Variants in INSL6 observed in about 807,000 individuals in gnomAD.
The protein encoded by INSL6 is insulin like 6.
In INSL6, 16 loss-of-function variants were observed where a neutral mutation model predicts 9.4. The observed-to-expected ratio is 1.70, with a 90% CI of 1.15 to 2.59. The LOEUF is 2.59. INSL6 is among the 30% of genes most tolerant of loss of function. The probability of loss-of-function intolerance (pLI) is 0.00; values close to 1 mark genes in which losing one functional copy is unlikely to be tolerated. For missense variants in INSL6, 391 were observed against 257.3 expected (o/e 1.52, Z -3.56); for synonymous variants, 154 against 96.9 (o/e 1.59, Z -3.46).
the INSL6 span, among the ~76,000 whole-genome samples, chr9:4,999,952 T>C: frequency 6.6e-6 from 1 of 152,190 alleles, no homozygotes; most frequent in Non-Finnish European, 1.5e-5. Context: ...CACTGGGTAT[T>C]GGCATTCTTC....
chr9:5,070,068 C>A, the INSL6 span: 1 of 1,573,238 alleles, frequency 6.4e-7, no homozygotes, highest in Non-Finnish European at 8.7e-7. Flanking sequence ...TCATTAGATA[C>A]TCATTACTGT....
At chr9:5,074,596 C>T in the INSL6 span, among the ~76,000 whole-genome samples, 1 of 152,206 alleles carries the variant, frequency 6.6e-6, no homozygotes, top group Non-Finnish European at 1.5e-5. Flanking sequence ...GCTCTGACTG[C>T]TCCATCAATG....
the INSL6 span, among the ~76,000 whole-genome samples, chr9:5,069,466 G>A: frequency 6.6e-6 from 1 of 152,002 alleles, no homozygotes; most frequent in Non-Finnish European, 1.5e-5. Context: ...TTATTGAACT[G>A]GAAGATCTCA....
At chr9:5,089,195 TG>T in the INSL6 span, among the ~76,000 whole-genome samples, 2 of 152,158 alleles carry the variant, frequency 1.3e-5, no homozygotes, top group South Asian at 4.1e-4. Flanking sequence ...ACCCACCTGT[TG>T]AGATAGTATT....
At chr9:5,072,423 T>C in the INSL6 span, 22 of 1,158,674 alleles carry the variant, frequency 1.9e-5, no homozygotes, top group East Asian at 5.1e-5. Flanking sequence ...CCTCATTGAA[T>C]GTATTTTCTT....
chr9:5,164,204 C>A lies in INSL6; in HGVS notation c.351G>T (p.Lys117Asn). The change falls in exon 2 of 2, where the codon AAG becomes AAT. Residue 117 changes from lysine (K) to asparagine (N), a missense_variant. Lys to Asn is a moderately conservative substitution (Grantham distance 94). Coordinates refer to ENST00000381641, the MANE Select transcript of INSL6 (RefSeq NM_007179.3). ...SWEMQSLPEY[K>N]DKKGYSPLGK... is the part of the protein sequence containing the mutation. Reference sequence around the variant, plus strand: ...CAAGGGGTGAATATCCCTTTTTATCCTTATACTCAGGTAGTGACTGCATTT... The same window carrying A: ...CAAGGGGTGAATATCCCTTTTTATCATTATACTCAGGTAGTGACTGCATTT... 1 of 1,607,726 alleles carries A rather than the reference C, an allele frequency of 6.2e-7. No homozygotes were observed. The highest frequency in any genetic ancestry group is 8.5e-7 in the Non-Finnish European group (1 of 1,177,796).
At chr9:5,010,789 G>T in the INSL6 span, among the ~76,000 whole-genome samples, 1 of 152,152 alleles carries the variant, frequency 6.6e-6, no homozygotes, top group South Asian at 2.1e-4. Flanking sequence ...TGAGTTTGTT[G>T]GTGATGTACT....
the INSL6 span, among the ~76,000 whole-genome samples, chr9:5,074,210 A>AT: frequency 8.5e-5 from 13 of 152,126 alleles, no homozygotes; most frequent in Admixed American, 7.9e-4. Context: ...TACTAGATAT[A>AT]TTTTTTGGCT....
Position 5,134,345 on chromosome 9 carries a change from C to T in INSL6, c.377-753G>A, listed in dbSNP as rs368055220. 9.9e-5 allele frequency among the ~76,000 whole-genome samples: 15 copies of T among 152,076 alleles called. No homozygotes were observed. The East Asian group carries it at 2.5e-3, about 25-fold the overall frequency. On this transcript the variant is annotated intron_variant, in intron 2 of 3. Coordinates refer to the INSL6 transcript ENST00000649639. ...CAAATTCAGGAAATATAGAGAACAC[C>T]ACAAAGATACTCCTCGAGAAGAGCA...
At chr9:5,021,289 T>G in the INSL6 span, among the ~76,000 whole-genome samples, 1 of 152,212 alleles carries the variant, frequency 6.6e-6, no homozygotes, top group South Asian at 2.1e-4. Context: ...GGTTCTTCTT[T>G]GTGGAGCAGG....
the INSL6 span, chr9:5,029,825 A>G: frequency 1.2e-6 from 2 of 1,611,556 alleles, no homozygotes; most frequent in Non-Finnish European, 1.7e-6. Context: ...TTAATGAGTG[A>G]AACAGAAAGG....
At chr9:5,048,249 C>A in the INSL6 span, among the ~76,000 whole-genome samples, 1 of 152,176 alleles carries the variant, frequency 6.6e-6, no homozygotes, top group Non-Finnish European at 1.5e-5. Context: ...TCAAGTGATT[C>A]TCCTGACTCA....
At chr9:5,038,641 G>A in the INSL6 span, among the ~76,000 whole-genome samples, 2 of 149,870 alleles carry the variant, frequency 1.3e-5, no homozygotes, top group Non-Finnish European at 3.0e-5. Context: ...CAGAGTATAC[G>A]CTGGTTGAAC....
At chr9:5,138,073 C>A (rs1463024721) in intron 2 of INSL6, among the ~76,000 whole-genome samples, 1 of 152,120 alleles carries the variant, frequency 6.6e-6, no homozygotes, top group South Asian at 2.1e-4. Context: ...ATTAAAAAGT[C>A]AGGAAACAAC....
chr9:5,110,988 C>G, the INSL6 span: 1 of 652,114 alleles, frequency 1.5e-6, no homozygotes, highest in Non-Finnish European at 2.8e-6. Flanking sequence ...GCATGATGTT[C>G]CCGCTGCCCG....
chr9:5,062,002 G>T, the INSL6 span, among the ~76,000 whole-genome samples: 1 of 152,194 alleles, frequency 6.6e-6, no homozygotes, highest in Non-Finnish European at 1.5e-5. Flanking sequence ...CGGTGGAGCA[G>T]TCAGAACATA....
chr9:5,112,653 T>C, the INSL6 span: 2 of 982,240 alleles, frequency 2.0e-6, no homozygotes, highest in Non-Finnish European at 2.9e-6. Flanking sequence ...CAGACCAAAC[T>C]CCTTATCCTG....
the INSL6 span, chr9:5,098,027 G>A: frequency 6.6e-6 from 1 of 152,028 alleles, no homozygotes; most frequent in African/African-American, 2.4e-5. Flanking sequence ...CTCATCCTTA[G>A]GCTCATTTAT....
the INSL6 span, chr9:5,110,910 G>C: frequency 1.2e-5 from 7 of 561,120 alleles, no homozygotes; most frequent in South Asian, 1.1e-4. Flanking sequence ...CTGGCCCCAA[G>C]AGAATGAACC....
Sources: gnomAD v4.1 joint callset for allele counts (sites outside exome capture counted in the v4.1 genomes callset) on GRCh38, gnomAD v4.1.1 for gene constraint, MANE v1.5 for transcripts, NCBI Gene and HGNC (gene_info 2026-07-23, HGNC 2026-07-21) for gene names.